Variants in RRP36 observed in about 807,000 individuals in gnomAD.
The protein encoded by RRP36 is ribosomal RNA processing 36, also known as ribosomal RNA processing protein 36 homolog.
In RRP36, 44 loss-of-function variants were observed where a neutral mutation model predicts 39.8. That is an observed-to-expected ratio of 1.10 (90% CI 0.87 to 1.42). The LOEUF (loss-of-function observed/expected upper bound fraction) is 1.42, where lower values mean the gene tolerates loss of function less well. Among genes scored for constraint, RRP36 ranks in the 40% most tolerant of loss-of-function variants. The pLI, the probability that RRP36 is intolerant of heterozygous loss-of-function variation, is 0.00. For synonymous variants in RRP36, 124 were observed against 123.1 expected, an observed-to-expected ratio of 1.01 and a Z score of -0.05; for missense variants, 316 against 322.4, an observed-to-expected ratio of 0.98 and a Z score of 0.15.
intron 1 of RRP36, among the ~76,000 whole-genome samples, chr6:43,022,553 GCAGGCGCGTCA>G (rs1762740950): frequency 2.0e-5 from 3 of 151,300 alleles, no homozygotes; most frequent in African/African-American, 7.3e-5. Context: ...AGCTGGGACT[GCAGGCGCGTCA>G]CCACGCCTGC....
At chr6:43,026,726 C>T (rs914657410) in intron 4 of RRP36, among the ~76,000 whole-genome samples, 6 of 151,784 alleles carry the variant, frequency 4.0e-5, no homozygotes, top group Admixed American at 6.6e-5. Context: ...AACTTCTGGC[C>T]GGGTGCGGTG....
chr6:43,026,021 TC>T lies in RRP36; in HGVS notation c.346-15del, dbSNP rs762885467. 8.2e-6 allele frequency: 13 copies of T among 1,579,794 alleles called. No individual in the cohort carries two copies. The African/African-American group carries it at 1.8e-4, about 21-fold the overall frequency. On this transcript the variant is annotated splice_polypyrimidine_tract_variant and intron_variant, in intron 3 of 6. Coordinates refer to ENST00000244496, the MANE Select transcript of RRP36 (RefSeq NM_033112.4). ...TTGAACAGTTGTGTTTTATATTCTC[TC>T]TCTTCTCTCCAAAGGTAGCCCGGGA...
chr6:43,029,479 C>T lies in RRP36; in HGVS notation c.*251C>T, dbSNP rs186362573. 1.3e-5 allele frequency: 5 copies of T among 381,238 alleles called. No individual in the cohort carries two copies. The highest frequency in any genetic ancestry group is 1.3e-4 in the Admixed American group (3 of 23,660). The allele number at this position is 381,238 out of a possible 1,614,324, so 23.6% of individuals were successfully genotyped here. On this transcript the variant is annotated 3_prime_UTR_variant, in exon 7 of 7. Transcript: ENST00000244496. ...CCTCGTGTTCTTCTCTCATCCTTGC[C>T]TTAAACCAGGGATTCTGATACCGAA...
rs745605375 is a variant in RRP36, at chr6:43,027,432, C to A, written c.598C>A (p.Arg200=). The A allele has an allele frequency of 6.2e-7, 1 of 1,614,054 alleles. No individual in the cohort carries two copies. The highest frequency in any genetic ancestry group is 1.3e-5 in the African/African-American group (1 of 74,926). Residue 200 remains arginine, a synonymous_variant, in exon 6 of 7, where the codon CGG becomes AGG. Transcript: ENST00000244496. ...ELHLALKQER[R]AQAQQGHRPY... The stretch of plus-strand genomic sequence containing the variant: ...GCACCTGGCCCTGAAGCAAGAACGT[C>A]GGGCTCAGGCCCAGCAGGGCCATCG...
At chr6:43,025,181 A>G in intron 2 of RRP36, 49 bp downstream of exon 2, 1 of 1,612,458 alleles carries the variant, frequency 6.2e-7, no homozygotes, top group Non-Finnish European at 8.5e-7. Context: ...GACCTTGAAT[A>G]GGTATGTTGT....
At position 43,024,967 on chromosome 6, in the gene RRP36, C is replaced by G; in HGVS notation, c.131-18C>G. ...GGACATGCTGAGCTGAGTTGTATGT[C>G]CCTCCCCACTTCCACAGGCACATCT... On this transcript the variant is annotated intron_variant, in intron 1 of 6. Transcript: ENST00000244496. 1 of 1,612,702 alleles carries G rather than the reference C, an allele frequency of 6.2e-7. No homozygotes were observed. Among genetic ancestry groups the G allele is most frequent in the Non-Finnish European group, 8.5e-7 (1 of 1,179,904 alleles).
rs753224465 is a variant in RRP36 at position 43,024,996 on chromosome 6, A to G, written c.142A>G (p.Met48Val). Reference sequence around the variant, plus strand: ...CCCCACTTCCACAGGCACATCTAACATGTCATTTGAGGAGCTGTTGGAATT... The same window carrying G: ...CCCCACTTCCACAGGCACATCTAACGTGTCATTTGAGGAGCTGTTGGAATT... ...ARDLLRGTSN[M>V]SFEELLELQS... Residue 48 changes from methionine (M) to valine (V), a missense_variant, in exon 2 of 7, where the codon ATG becomes GTG. Physicochemically the swap from Met to Val is conservative, Grantham distance 21 (BLOSUM62 1). Coordinates refer to ENST00000244496, the MANE Select transcript of RRP36 (RefSeq NM_033112.4). The G allele has an allele frequency of 2.5e-6, 4 of 1,613,822 alleles. No homozygotes were observed. The Admixed American group carries it at 6.7e-5, about 27-fold the overall frequency.
At chr6:43,028,668 T>TGGCCA (rs1490023816) in intron 6 of RRP36, among the ~76,000 whole-genome samples, 1 of 141,600 alleles carries the variant, frequency 7.1e-6, no homozygotes, top group African/African-American at 2.7e-5. Context: ...AGTCACCCGT[T>TGGCCA]GGCCAGGCGC....
At chr6:43,026,257 CCAATT>C (rs1255363857) in intron 4 of RRP36, 116 bp downstream of exon 4, 4 of 606,266 alleles carry the variant, frequency 6.6e-6, no homozygotes, top group Non-Finnish European at 1.2e-5. Context: ...TTAACTCTCT[CCAATT>C]CAGTTCATAT....
chr6:43,023,053 G>T (rs544819046), intron 1 of RRP36, among the ~76,000 whole-genome samples: 4 of 152,166 alleles, frequency 2.6e-5, no homozygotes, highest in Admixed American at 2.0e-4. Context: ...CAGGCTTTTT[G>T]TTAAGGCACA....
At chr6:43,024,156 G>C (rs1456236208) in intron 1 of RRP36, among the ~76,000 whole-genome samples, 10 of 151,996 alleles carry the variant, frequency 6.6e-5, no homozygotes, top group African/African-American at 2.4e-4. Flanking sequence ...ACCTGGACGA[G>C]GGGTCGCAAT....
rs757485192 is a variant in RRP36, at chr6:43,025,011, C to G, written c.157C>G (p.Leu53Val). The G allele has an allele frequency of 6.2e-7, 1 of 1,614,084 alleles. No homozygotes were observed. Among genetic ancestry groups the G allele is most frequent in the Non-Finnish European group, 8.5e-7 (1 of 1,180,032 alleles). ...CACATCTAACATGTCATTTGAGGAG[C>G]TGTTGGAATTGCAGAGCCAAGTGGG... ...RGTSNMSFEE[L>V]LELQSQVGTK... Residue 53 changes from leucine to valine, a missense_variant, in exon 2 of 7, where the codon CTG (leucine) becomes GTG (valine). Leu to Val is a conservative substitution (Grantham distance 32). Coordinates refer to ENST00000244496, the MANE Select transcript of RRP36 (RefSeq NM_033112.4).
intron 6 of RRP36, among the ~76,000 whole-genome samples, chr6:43,027,994 C>G (rs540203040): frequency 1.3e-5 from 2 of 152,216 alleles, no homozygotes; most frequent in South Asian, 4.2e-4. Context: ...CATAGGTGTT[C>G]ATAGTTGGTT....
In RRP36 at chr6:43,025,138, C is replaced by T; in HGVS notation, c.278+6C>T. On this transcript the variant is annotated splice_donor_region_variant and intron_variant, in intron 2 of 6. Coordinates refer to ENST00000244496, the MANE Select transcript of RRP36 (RefSeq NM_033112.4). ...TGTGTTGCAGATAAGCACAGGTAAGCAAGGCTTGCCCTAGAAGTTGGAAGA... is the reference window on the plus strand; with the variant it reads ...TGTGTTGCAGATAAGCACAGGTAAGTAAGGCTTGCCCTAGAAGTTGGAAGA... The T allele has an allele frequency of 6.2e-7, 1 of 1,614,008 alleles. No homozygotes were observed. Among genetic ancestry groups the T allele is most frequent in the Middle Eastern group, 1.6e-4 (1 of 6,062 alleles).
chr6:43,026,762 T>C (rs1217747400), intron 4 of RRP36, among the ~76,000 whole-genome samples: 1 of 151,852 alleles, frequency 6.6e-6, no homozygotes, highest in African/African-American at 2.4e-5. Context: ...CCCACCACTT[T>C]GGGAGGCCGA....
intron 1 of RRP36, among the ~76,000 whole-genome samples, 180 bp from the exon 2 acceptor site, chr6:43,024,805 C>T (rs1350929008): frequency 1.3e-5 from 2 of 152,230 alleles, no homozygotes; most frequent in African/African-American, 4.8e-5. Flanking sequence ...GATGAGGCCC[C>T]AGGTTGCTGA....
chr6:43,027,034 C>G, intron 4 of RRP36, 144 bp from the exon 5 acceptor site: 2 of 670,360 alleles, frequency 3.0e-6, no homozygotes, highest in Non-Finnish European at 5.1e-6. Flanking sequence ...CCACTGCACT[C>G]AAGCCTGTGA....
chr6:43,027,063 C>CA (rs1296441280), intron 4 of RRP36, 115 bp from the exon 5 acceptor site: 630 of 864,302 alleles, frequency 7.3e-4, no homozygotes, highest in Non-Finnish European at 8.6e-4. Flanking sequence ...GACTGCATCT[C>CA]AAAAAAAAAT....
chr6:43,025,085 A>G lies in RRP36; in HGVS notation c.231A>G (p.Gln77=). 2 of 1,614,234 alleles carry G rather than the reference A, an allele frequency of 1.2e-6. No homozygotes were observed. Among genetic ancestry groups the G allele is most frequent in the Non-Finnish European group, 1.7e-6 (2 of 1,180,046 alleles). The change falls in exon 2 of 7, where the codon CAA becomes CAG. Residue 77 remains glutamine, a synonymous_variant. Transcript: ENST00000244496. ...TAGCTGGAAATAGTCCTAAGAAACA[A>G]GCTTCTAGACCACCTATCCAAAATG... is the stretch of plus-strand genomic sequence containing the variant. ...QLVAGNSPKK[Q]ASRPPIQNAC... is the part of the protein sequence containing the mutation.
Sources: allele counts gnomAD v4.1 joint callset (sites outside exome capture counted in the v4.1 genomes callset), GRCh38; gene constraint gnomAD v4.1.1; transcripts MANE v1.5; gene names NCBI Gene and HGNC (gene_info 2026-07-23, HGNC 2026-07-21).